The following CNTN1 variants were observed in gnomAD, a reference collection of about 807,000 sequenced individuals.
CNTN1 encodes the protein contactin 1, also known as contactin-1.
CNTN1 carries 38 observed loss-of-function variants against 126.4 expected under a neutral mutation model. That is an observed-to-expected ratio of 0.30 (90% CI 0.23 to 0.39). CNTN1 has a LOEUF of 0.39. Ranked by LOEUF, CNTN1 falls within the 10% of genes least tolerant of loss-of-function variation. The probability of loss-of-function intolerance (pLI) is 1.00; values close to 1 mark genes in which losing one functional copy is unlikely to be tolerated. For synonymous variants in CNTN1, 413 were observed against 422.6 expected, an observed-to-expected ratio of 0.98 and a Z score of 0.28; for missense variants, 1,009 against 1,248.4, an observed-to-expected ratio of 0.81 and a Z score of 2.89.
At chr12:40,803,080 C>G (rs757524898) in intron 1 of CNTN1, among the ~76,000 whole-genome samples, 6 of 151,908 alleles carry the variant, frequency 3.9e-5, no homozygotes, top group Non-Finnish European at 7.4e-5. Context: ...GACCTGGGTG[C>G]AATGGTTTGG....
intron 1 of CNTN1, among the ~76,000 whole-genome samples, chr12:40,800,479 T>G (rs1296314267): frequency 2.6e-5 from 4 of 151,968 alleles, no homozygotes; most frequent in Non-Finnish European, 1.5e-5. Context: ...GCTCTTTAAT[T>G]ATCCTTATTA....
At chr12:40,808,009 C>T (rs900212483) in intron 1 of CNTN1, among the ~76,000 whole-genome samples, 4 of 152,102 alleles carry the variant, frequency 2.6e-5, no homozygotes, top group African/African-American at 9.7e-5. Context: ...GACAGTATAA[C>T]TGCCTTTGAT....
intron 1 of CNTN1, among the ~76,000 whole-genome samples, chr12:40,812,662 C>A (rs1352535853): frequency 1.3e-5 from 2 of 152,060 alleles, no homozygotes; most frequent in African/African-American, 4.8e-5. Flanking sequence ...TGACCTTTGT[C>A]TCTTACGACA....
intron 1 of CNTN1, among the ~76,000 whole-genome samples, chr12:40,902,553 A>AT (rs754443516): frequency 8.5e-5 from 13 of 152,092 alleles, no homozygotes; most frequent in Admixed American, 2.0e-4. Flanking sequence ...ATAAAGGCAC[A>AT]TTTTTTTGTA....
At chr12:40,919,544 T>A (rs1006202869) in intron 4 of CNTN1, among the ~76,000 whole-genome samples, 1 of 152,194 alleles carries the variant, frequency 6.6e-6, no homozygotes, top group African/African-American at 2.4e-5. Flanking sequence ...AGTGTGTTAA[T>A]GTCACCTGAC....
At chr12:40,880,046 A>G (rs1943819252) in intron 1 of CNTN1, among the ~76,000 whole-genome samples, 1 of 152,122 alleles carries the variant, frequency 6.6e-6, no homozygotes, top group South Asian at 2.1e-4. Flanking sequence ...TGCAAGGAAT[A>G]CAAAATGGTG....
chr12:40,699,777 G>A lies in CNTN1; in HGVS notation c.-77+7185G>A, dbSNP rs547370653. Reference sequence around the variant, plus strand: ...TACAGATAAAAAAAAAAAGCTCAGAGAAGTAACTAATTTGCCCAAGGTTAC... The same window carrying A: ...TACAGATAAAAAAAAAAAGCTCAGAAAAGTAACTAATTTGCCCAAGGTTAC... On this transcript the variant is annotated intron_variant, in intron 1 of 23. Coordinates refer to ENST00000551295, the MANE Select transcript of CNTN1 (RefSeq NM_001843.4). 5.3e-5 allele frequency among the ~76,000 whole-genome samples: 8 copies of A among 152,114 alleles called. No individual in the cohort carries two copies. In the East Asian group the frequency reaches 1.4e-3, roughly 26 times the overall value.
At chr12:40,707,055 CACACACACACACACA>C (rs1565625954) in intron 1 of CNTN1, among the ~76,000 whole-genome samples, 6 of 14,456 alleles carry the variant, frequency 4.2e-4, no homozygotes, top group Admixed American at 8.4e-4. Context: ...CGCACACACA[CACACACACACACACA>C]CACACACACA....
intron 1 of CNTN1, among the ~76,000 whole-genome samples, chr12:40,884,030 A>C (rs1943953207): frequency 1.3e-5 from 2 of 151,638 alleles, no homozygotes; most frequent in Non-Finnish European, 3.0e-5. Context: ...ACCTAAGAGA[A>C]ATAATCATGC....
intron 23 of CNTN1, among the ~76,000 whole-genome samples, chr12:41,038,780 A>C (rs1198482059): frequency 6.6e-6 from 1 of 152,190 alleles, no homozygotes; most frequent in East Asian, 1.9e-4. Flanking sequence ...AAGTTTTGTC[A>C]GATAGTGATA....
chr12:41,045,316 T>A lies in CNTN1; in HGVS notation c.2980+16097T>A, dbSNP rs566715516. 2.7e-4 allele frequency among the ~76,000 whole-genome samples: 41 copies of A among 152,254 alleles called. 1 individual carries two copies. Among genetic ancestry groups the A allele is most frequent in the Non-Finnish European group, 4.9e-4 (33 of 67,998 alleles). On this transcript the variant is annotated intron_variant, in intron 23 of 23. Transcript: ENST00000551295. ...TCAAAATTCACTTTCCTTTGAAACA[T>A]TATAGGCTGTGTTGAAATTTGTAAC...
chr12:40,892,795 T>C (rs751605848), intron 1 of CNTN1, among the ~76,000 whole-genome samples: 39 of 152,050 alleles, frequency 2.6e-4, no homozygotes, highest in Non-Finnish European at 5.2e-4. Context: ...ATACAATGTA[T>C]GTTAAGAGAA....
chr12:40,819,729 G>A lies in CNTN1; in HGVS notation c.-76-88628G>A, dbSNP rs373340297. ...CCCCCCTGGAGTTCAGTAAGCTTAA[G>A]CAGATTCCAGCTGAGAGGCTGTAAG... On this transcript the variant is annotated intron_variant, in intron 1 of 23. Coordinates refer to ENST00000551295, the MANE Select transcript of CNTN1 (RefSeq NM_001843.4). Among the ~76,000 whole-genome samples the A allele has an allele frequency of 2.1e-3, 318 of 152,356 alleles. 1 individual carries two copies. Among genetic ancestry groups the A allele is most frequent in the African/African-American group, 7.4e-3 (307 of 41,586 alleles).
intron 1 of CNTN1, among the ~76,000 whole-genome samples, chr12:40,749,396 G>T (rs1222717420): frequency 6.6e-6 from 1 of 152,050 alleles, no homozygotes; most frequent in African/African-American, 2.4e-5. Context: ...GCTTAGTCCT[G>T]CACAGGAGTG....
intron 1 of CNTN1, among the ~76,000 whole-genome samples, chr12:40,813,079 CT>C (rs1941140590): frequency 1.6e-5 from 2 of 126,216 alleles, no homozygotes; most frequent in Admixed American, 8.5e-5. Context: ...TCCTTCCTTC[CT>C]TCCTTCCTTT....
chr12:40,696,714 T>C (rs1941460387), intron 1 of CNTN1, among the ~76,000 whole-genome samples: 1 of 152,204 alleles, frequency 6.6e-6, no homozygotes, highest in Admixed American at 6.5e-5. Context: ...AATGACCAAC[T>C]GTGTAAAGTT....
At chr12:40,958,274 A>C (rs1391068267) in intron 14 of CNTN1, among the ~76,000 whole-genome samples, 1 of 151,598 alleles carries the variant, frequency 6.6e-6, no homozygotes, top group Admixed American at 6.6e-5. Flanking sequence ...GTTGTCAAAA[A>C]AGAATTGAAT....
At chr12:40,797,997 A>G (rs138998723) in intron 1 of CNTN1, among the ~76,000 whole-genome samples, 3 of 152,174 alleles carry the variant, frequency 2.0e-5, no homozygotes, top group South Asian at 2.1e-4. Context: ...TATAAAATAC[A>G]TAAGTGGGTT....
intron 1 of CNTN1, among the ~76,000 whole-genome samples, chr12:40,847,422 T>C (rs1942552941): frequency 6.6e-6 from 1 of 152,176 alleles, no homozygotes; most frequent in Non-Finnish European, 1.5e-5. Context: ...CACAAACTTT[T>C]TGAAGTCCCC....
Sources: gnomAD v4.1 joint callset for allele counts (sites outside exome capture counted in the v4.1 genomes callset) on GRCh38, gnomAD v4.1.1 for gene constraint, MANE v1.5 for transcripts, NCBI Gene and HGNC (gene_info 2026-07-23, HGNC 2026-07-21) for gene names.